ZFAT: variants seen among roughly 807,000 people sequenced by gnomAD.
ZFAT encodes the protein zinc finger protein ZFAT.
In ZFAT, 64 loss-of-function variants were observed where a neutral mutation model predicts 117.7. The ratio of observed to expected loss-of-function variants is 0.54; its 90% CI spans 0.44 to 0.67. The LOEUF is 0.67. Ranked by LOEUF, ZFAT falls within the 30% of genes least tolerant of loss-of-function variation. The pLI, the probability that ZFAT is intolerant of heterozygous loss-of-function variation, is 0.00. For missense variants in ZFAT, 1,433 were observed against 1,584.5 expected (o/e 0.90, Z 1.62); for synonymous variants, 679 against 615.0 (o/e 1.10, Z -1.54).
chr8:134,812,393 C>T, the ZFAT span, among the ~76,000 whole-genome samples: 1 of 152,140 alleles, frequency 6.6e-6, no homozygotes, highest in South Asian at 2.1e-4. Context: ...AGTTCAAATG[C>T]CAAACTCTCT....
At chr8:134,689,075 G>A (rs1345041810) in intron 1 of ZFAT, among the ~76,000 whole-genome samples, 1 of 152,162 alleles carries the variant, frequency 6.6e-6, no homozygotes, top group Non-Finnish European at 1.5e-5. Flanking sequence ...CCTGACTGAA[G>A]ACTGGCCAGA....
chr8:134,510,343 G>C (rs1819729486), intron 14 of ZFAT, among the ~76,000 whole-genome samples: 1 of 152,124 alleles, frequency 6.6e-6, no homozygotes, highest in Admixed American at 6.5e-5. Flanking sequence ...CATCTGCCAG[G>C]CCATCTGCAA....
intron 10 of ZFAT, among the ~76,000 whole-genome samples, chr8:134,581,513 A>G (rs1305448013): frequency 6.6e-6 from 1 of 152,162 alleles, no homozygotes; most frequent in Non-Finnish European, 1.5e-5. Flanking sequence ...GTAGTGGAAA[A>G]AGTTGGCACT....
intron 1 of ZFAT, 81 bp downstream of exon 1, chr8:134,712,761 GACT>G: frequency 1.4e-6 from 2 of 1,381,242 alleles, no homozygotes; most frequent in Non-Finnish European, 1.9e-6. Context: ...ACTGCTTCCC[GACT>G]CGACGCTCGA....
At chr8:134,694,158 G>A (rs553989541) in intron 1 of ZFAT, among the ~76,000 whole-genome samples, 9 of 152,168 alleles carry the variant, frequency 5.9e-5, no homozygotes, top group Non-Finnish European at 1.2e-4. Flanking sequence ...CGCAGCTGAG[G>A]TGTCCTTCCG....
chr8:134,478,150 A>AG lies in ZFAT; in HGVS notation c.*331dup. On this transcript the variant is annotated 3_prime_UTR_variant, in exon 16 of 16. Transcript: ENST00000377838. The surrounding 1 kb of genome is among the most constrained non-coding windows in gnomAD (Gnocchi z 5.2). ...GGGCTGTGATTCAGGGAAGATGCTG[A>AG]GGGGGACTGGGAGTCTCTGTTTGAA... 3.1e-6 allele frequency: 1 copy of AG among 318,780 alleles called. No individual in the cohort carries two copies. The highest frequency in any genetic ancestry group is 6.1e-5 in the South Asian group (1 of 16,364). The allele number at this position is 318,780 out of a possible 1,614,324, so 19.7% of individuals were successfully genotyped here.
chr8:134,601,996 AG>A lies in ZFAT; in HGVS notation c.1722del (p.Cys575ValfsTer25). ...GAGACCACGGTGGTTTCCAGCTCAC[AG>A]GGTGGCAGGGCTGTGCTTTCGGCCT... ...SPQAESTALPPCELETTVVSS... is the reference protein window; with the variant it reads ...SPQAESTALPXCELETTVVSS... On this transcript the variant is annotated frameshift_variant, in exon 6 of 16. Coordinates refer to ENST00000377838, the MANE Select transcript of ZFAT (RefSeq NM_020863.4). LOFTEE classifies it high-confidence loss of function. 1 of 1,613,380 alleles carries A rather than the reference AG, an allele frequency of 6.2e-7. No individual in the cohort carries two copies. Among genetic ancestry groups the A allele is most frequent in the Non-Finnish European group, 8.5e-7 (1 of 1,179,870 alleles).
chr8:134,776,037 T>C, the ZFAT span, among the ~76,000 whole-genome samples: 3,835 of 152,308 alleles, frequency 0.025, 148 homozygotes, highest in African/African-American at 0.087. Context: ...GCTATACCAC[T>C]TGAATAAAGC....
chr8:134,693,022 G>T (rs1470233059), intron 1 of ZFAT, among the ~76,000 whole-genome samples: 1 of 152,210 alleles, frequency 6.6e-6, no homozygotes, highest in Non-Finnish European at 1.5e-5. Context: ...TTTTAAGAGG[G>T]AAATACAGAT....
At position 134,602,838 on chromosome 8, in the gene ZFAT, G is replaced by T. The variant is rs375735459; in HGVS notation, c.881C>A (p.Thr294Asn). Residue 294 changes from threonine to asparagine, a missense_variant, in exon 6 of 16, where the codon ACC becomes AAC. By Grantham distance (65) the Thr-to-Asn change is moderately conservative. Around this residue, in one of 5 missense-constraint regions of ZFAT, gnomAD observed 436 missense variants for 482.0 expected, o/e 0.90. Coordinates refer to ENST00000377838, the MANE Select transcript of ZFAT (RefSeq NM_020863.4). ...HSLQAHLRIH[T>N]NEKPYKCPQC... ...GGGGCACTTGTATGGCTTTTCATTG[G>T]TGTGGATCCTCAGGTGGGCCTGCAG... 11 of 1,614,070 alleles carry T rather than the reference G, an allele frequency of 6.8e-6. No individual in the cohort carries two copies. In the African/African-American group the frequency reaches 9.3e-5, roughly 14 times the overall value.
intron 11 of ZFAT, among the ~76,000 whole-genome samples, chr8:134,550,325 A>AAAAAAAAAC (rs1554643709): frequency 6.6e-6 from 1 of 150,536 alleles, no homozygotes; most frequent in African/African-American, 2.5e-5. Flanking sequence ...AAAAAAAAAA[A>AAAAAAAAAC]AAAAAAACAG....
rs192434603 is a variant in ZFAT at position 134,605,503 on chromosome 8, G to A, written c.786-2570C>T. On this transcript the variant is annotated intron_variant, in intron 5 of 15. Coordinates refer to ENST00000377838, the MANE Select transcript of ZFAT (RefSeq NM_020863.4). ...GGAGCTTGCAGTGAGCCCAGATCGCGCCACTGCACTCCAGCCCGGGAGACA... is the reference window on the plus strand; with the variant it reads ...GGAGCTTGCAGTGAGCCCAGATCGCACCACTGCACTCCAGCCCGGGAGACA... Among the ~76,000 whole-genome samples the A allele has an allele frequency of 5.2e-3, 779 of 148,750 alleles. 6 individuals are homozygous for A. The highest frequency in any genetic ancestry group is 0.019 in the African/African-American group (750 of 40,020).
At chr8:134,675,588 T>A (rs1328085350) in intron 1 of ZFAT, among the ~76,000 whole-genome samples, 1 of 152,076 alleles carries the variant, frequency 6.6e-6, no homozygotes, top group Non-Finnish European at 1.5e-5. Context: ...ACATTCAAAT[T>A]CAAGAAATGC....
At chr8:134,732,664 G>C in the ZFAT span, among the ~76,000 whole-genome samples, 2 of 152,206 alleles carry the variant, frequency 1.3e-5, no homozygotes, top group Admixed American at 6.5e-5. Context: ...TAAAAATTAG[G>C]AGCGTTTCAG....
the ZFAT span, among the ~76,000 whole-genome samples, chr8:134,727,520 C>T: frequency 6.6e-6 from 1 of 152,198 alleles, no homozygotes; most frequent in Non-Finnish European, 1.5e-5. Context: ...TTTCTACAAA[C>T]TCTGAAGTAT....
At chr8:134,586,048 G>C (rs978696742) in intron 9 of ZFAT, among the ~76,000 whole-genome samples, 1 of 152,088 alleles carries the variant, frequency 6.6e-6, no homozygotes, top group Non-Finnish European at 1.5e-5. Flanking sequence ...ACGGAGACAA[G>C]GGATATTTTA....
intron 1 of ZFAT, among the ~76,000 whole-genome samples, chr8:134,682,286 C>A (rs149836139): frequency 6.6e-6 from 1 of 152,288 alleles, no homozygotes; most frequent in East Asian, 1.9e-4. Context: ...AAGATAAAAA[C>A]GCTGCCAAAT....
chr8:134,809,609 A>G, the ZFAT span, among the ~76,000 whole-genome samples: 1 of 152,210 alleles, frequency 6.6e-6, no homozygotes, highest in African/African-American at 2.4e-5. Context: ...GAGTGATGCT[A>G]TTACAGACTA....
intron 11 of ZFAT, among the ~76,000 whole-genome samples, chr8:134,536,584 G>A (rs1471971098): frequency 6.6e-6 from 1 of 152,146 alleles, no homozygotes; most frequent in East Asian, 1.9e-4. Flanking sequence ...AGGCCAGCAG[G>A]GAATTCTCCT....
Sources: allele counts gnomAD v4.1 joint callset (sites outside exome capture counted in the v4.1 genomes callset), GRCh38; gene constraint gnomAD v4.1.1; regional missense constraint gnomAD v4.1.1; non-coding constraint Gnocchi (gnomAD v3.1); transcripts MANE v1.5; gene names NCBI Gene and HGNC (gene_info 2026-07-23, HGNC 2026-07-21).